Variants in FAF1 observed in about 807,000 individuals in gnomAD.
FAF1 encodes the protein FAS-associated factor 1.
A neutral mutation model predicts 92.5 loss-of-function variants in FAF1; 25 were observed. That is an observed-to-expected ratio of 0.27 (90% CI 0.20 to 0.38). FAF1 has a LOEUF of 0.38. Ranked by LOEUF, FAF1 falls within the 10% of genes least tolerant of loss-of-function variation. The pLI is 1.00. For synonymous variants in FAF1, 234 were observed against 273.2 expected (o/e 0.86, Z 1.42); for missense variants, 636 against 793.3 (o/e 0.80, Z 2.38).
intron 2 of FAF1, among the ~76,000 whole-genome samples, chr1:50,822,743 G>GTTTTTT (rs757343855): frequency 1.4e-5 from 2 of 141,274 alleles, no homozygotes; most frequent in African/African-American, 2.7e-5. Context: ...TTTTTTTGGT[G>GTTTTTT]TTTTTTCTTT....
chr1:50,939,048 G>C (rs1265788033), intron 1 of FAF1, among the ~76,000 whole-genome samples: 1 of 152,010 alleles, frequency 6.6e-6, no homozygotes, highest in African/African-American at 2.4e-5. Flanking sequence ...TGGCTATTTG[G>C]GCTCATTTTT....
chr1:50,891,403 G>A (rs1209091671), intron 1 of FAF1, among the ~76,000 whole-genome samples: 1 of 152,112 alleles, frequency 6.6e-6, no homozygotes. Flanking sequence ...TGCTGGTGAG[G>A]AGCTTCATTC....
chr1:50,909,891 G>A (rs1003289465), intron 1 of FAF1, among the ~76,000 whole-genome samples: 2 of 152,226 alleles, frequency 1.3e-5, no homozygotes, highest in African/African-American at 4.8e-5. Context: ...ACTCGTCAAA[G>A]TCATTCTCCA....
intron 7 of FAF1, among the ~76,000 whole-genome samples, chr1:50,681,500 A>T (rs1250854556): frequency 2.0e-5 from 3 of 152,028 alleles, no homozygotes; most frequent in African/African-American, 7.2e-5. Flanking sequence ...AATTCCACAC[A>T]GCACAATCTT....
At chr1:50,621,543 G>A (rs1450409065) in intron 8 of FAF1, among the ~76,000 whole-genome samples, 1 of 151,426 alleles carries the variant, frequency 6.6e-6, no homozygotes, top group East Asian at 2.0e-4. Context: ...GGGACTACAG[G>A]GGCGCACCAC....
At chr1:50,865,937 G>T (rs114670138) in intron 1 of FAF1, among the ~76,000 whole-genome samples, 1,697 of 150,426 alleles carry the variant, frequency 0.011, 22 homozygotes, top group Non-Finnish European at 0.015. Flanking sequence ...AATTACAAAT[G>T]AAAGGGGAGA....
intron 12 of FAF1, among the ~76,000 whole-genome samples, chr1:50,573,710 C>A (rs974348338): frequency 6.6e-6 from 1 of 151,756 alleles, no homozygotes; most frequent in Non-Finnish European, 1.5e-5. Flanking sequence ...GTCTTTTTCC[C>A]CTCACTTTCT....
At chr1:50,456,257 A>G (rs1179327105) in intron 18 of FAF1, among the ~76,000 whole-genome samples, 3 of 152,042 alleles carry the variant, frequency 2.0e-5, no homozygotes, top group African/African-American at 7.2e-5. Context: ...GCCACCCACA[A>G]TCTTCTAAGA....
intron 8 of FAF1, among the ~76,000 whole-genome samples, chr1:50,618,393 T>C (rs189873242): frequency 1.2e-3 from 189 of 151,360 alleles, no homozygotes; most frequent in Non-Finnish European, 2.7e-4. Flanking sequence ...TTAATATCCA[T>C]CTGTTTGTGT....
chr1:50,701,383 G>A (rs1050279824), intron 7 of FAF1, among the ~76,000 whole-genome samples: 1 of 143,772 alleles, frequency 7.0e-6, no homozygotes, highest in East Asian at 2.5e-4. Flanking sequence ...CCCCATACTG[G>A]AAAACAAAAC....
At chr1:50,784,439 T>C (rs1200450894) in intron 4 of FAF1, among the ~76,000 whole-genome samples, 1 of 152,086 alleles carries the variant, frequency 6.6e-6, no homozygotes, top group African/African-American at 2.4e-5. Context: ...AACAGTCCCA[T>C]TTACAATAGC....
At chr1:50,903,655 G>C (rs1245372673) in intron 1 of FAF1, among the ~76,000 whole-genome samples, 1 of 152,110 alleles carries the variant, frequency 6.6e-6, no homozygotes, top group Non-Finnish European at 1.5e-5. Flanking sequence ...AAGGAAGAAA[G>C]ATAAAAGAAA....
At chr1:50,563,042 A>C (rs1027186908) in intron 13 of FAF1, among the ~76,000 whole-genome samples, 3 of 152,222 alleles carry the variant, frequency 2.0e-5, no homozygotes, top group Non-Finnish European at 2.9e-5. Context: ...GAGACGACTC[A>C]AAGTAGATGG....
intron 7 of FAF1, 145 bp downstream of exon 7, chr1:50,705,641 T>C (rs984803345): frequency 3.8e-5 from 21 of 545,748 alleles, no homozygotes; most frequent in African/African-American, 2.4e-4. Flanking sequence ...ACAGTAATCA[T>C]TGATGCTCCA....
At chr1:50,957,791 A>C (rs1403121422) in intron 1 of FAF1, among the ~76,000 whole-genome samples, 3 of 152,234 alleles carry the variant, frequency 2.0e-5, no homozygotes, top group African/African-American at 7.2e-5. Context: ...AAAAAATAGA[A>C]AGCAGATGCA....
intron 7 of FAF1, among the ~76,000 whole-genome samples, chr1:50,696,170 G>A (rs528895548): frequency 6.6e-6 from 1 of 152,034 alleles, no homozygotes; most frequent in Non-Finnish European, 1.5e-5. Flanking sequence ...TCATTCCATA[G>A]TGTAATCCTG....
At chr1:50,639,593 CT>C (rs201153373) in intron 8 of FAF1, among the ~76,000 whole-genome samples, 3 of 151,306 alleles carry the variant, frequency 2.0e-5, no homozygotes, top group African/African-American at 2.4e-5. Flanking sequence ...TCTTTTTGTT[CT>C]TTTTTTTTGT....
intron 6 of FAF1, among the ~76,000 whole-genome samples, chr1:50,731,823 G>A (rs1658937183): frequency 6.6e-6 from 1 of 152,080 alleles, no homozygotes; most frequent in South Asian, 2.1e-4. Flanking sequence ...CCCATAAATT[G>A]TTTTGAAGTA....
intron 3 of FAF1, among the ~76,000 whole-genome samples, chr1:50,797,274 A>G (rs1661788997): frequency 6.6e-6 from 1 of 152,194 alleles, no homozygotes; most frequent in Non-Finnish European, 1.5e-5. Context: ...AAAAGAGTAA[A>G]TGTATTTTTA....
Sources: allele counts gnomAD v4.1 joint callset (sites outside exome capture counted in the v4.1 genomes callset), GRCh38; gene constraint gnomAD v4.1.1; transcripts MANE v1.5; gene names NCBI Gene and HGNC (gene_info 2026-07-23, HGNC 2026-07-21).